The following IGSF10 variants were observed in gnomAD, a reference collection of about 807,000 sequenced individuals.
The protein encoded by IGSF10 is calvaria mechanical force protein 608.
Under a neutral mutation model 128.2 loss-of-function variants are expected in IGSF10, and 126 were observed. That is an observed-to-expected ratio of 0.98 (90% CI 0.85 to 1.14). The LOEUF is 1.14. Ranked by LOEUF, IGSF10 falls within the 50% of genes most tolerant of loss-of-function variation. IGSF10 has a pLI of 0.00. For missense variants in IGSF10, 3,295 were observed against 3,149.8 expected (o/e 1.05, Z -1.10); for synonymous variants, 1,185 against 1,146.2 (o/e 1.03, Z -0.68).
chr3:151,464,672 C>T (rs1722220730), upstream of IGSF10, among the ~76,000 whole-genome samples: 1 of 152,220 alleles, frequency 6.6e-6, no homozygotes, highest in Admixed American at 6.5e-5. Context: ...ATTACCACCT[C>T]CCAGCTCCAC....
At chr3:151,571,662 G>A in the IGSF10 span, among the ~76,000 whole-genome samples, 4 of 152,308 alleles carry the variant, frequency 2.6e-5, no homozygotes, top group Non-Finnish European at 4.4e-5. Flanking sequence ...CATGTCATCT[G>A]CAAACAGGGA....
rs1330217682 is a variant in IGSF10 at position 151,443,850 on chromosome 3, C to G, written c.5097G>C (p.Arg1699Ser). ...GGGTACCATTGGGGAGAACCTGGAC[C>G]CTGCTATTCTGTTTCCTCTTAGATA... ...LDLSKRKQNS[R>S]VQVLPNGTLS... The change falls in exon 7 of 8, where the codon AGG becomes AGC. Residue 1699 changes from arginine (R) to serine (S), a missense_variant. Coordinates refer to ENST00000282466, the MANE Select transcript of IGSF10 (RefSeq NM_178822.5). 2 of 1,609,896 alleles carry G rather than the reference C, an allele frequency of 1.2e-6. No individual in the cohort carries two copies. Among genetic ancestry groups the G allele is most frequent in the South Asian group, 2.2e-5 (2 of 90,858 alleles).
chr3:151,572,624 T>G, the IGSF10 span, among the ~76,000 whole-genome samples: 69 of 152,222 alleles, frequency 4.5e-4, 1 homozygote, highest in Non-Finnish European at 7.9e-4. Context: ...CCTTTATTAG[T>G]CTTGCTAGTG....
At chr3:151,567,250 C>G in the IGSF10 span, among the ~76,000 whole-genome samples, 167 of 152,302 alleles carry the variant, frequency 1.1e-3, no homozygotes, top group African/African-American at 3.9e-3. Flanking sequence ...AGATTCACCT[C>G]TGCTTCATTT....
the IGSF10 span, among the ~76,000 whole-genome samples, chr3:151,497,988 G>A: frequency 6.6e-6 from 1 of 152,158 alleles, no homozygotes; most frequent in Non-Finnish European, 1.5e-5. Flanking sequence ...TGTTATTGGT[G>A]TATAAGAATG....
At chr3:151,435,393 T>G (rs1225480245), downstream of IGSF10, 3 of 146,306 alleles carry the variant, frequency 2.1e-5, no homozygotes, top group East Asian at 6.7e-4. Context: ...AATGCGTAGC[T>G]TTGACCACTT....
the IGSF10 span, among the ~76,000 whole-genome samples, chr3:151,527,788 AT>A: frequency 0.088 from 13,006 of 148,264 alleles, 613 homozygotes; most frequent in African/African-American, 0.12. Flanking sequence ...TGTCTCTACA[AT>A]TTTTTTTTTT....
Position 151,446,010 on chromosome 3 carries a change from G to A in IGSF10, c.3971C>T (p.Thr1324Ile), listed in dbSNP as rs763476662. The change falls in exon 6 of 8, where the codon ACC (threonine) becomes ATC (isoleucine). Residue 1324 changes from threonine to isoleucine, a missense_variant. Transcript: ENST00000282466. The stretch of plus-strand genomic sequence containing the variant: ...ATAAGTGATGACAGATGCAGGGAAG[G>A]TAGGAGTTGTTGCTGGTATTGCTGT... ...TQTAIPATTP[T>I]FPASVITYET... is the part of the protein sequence containing the mutation. 48 of 1,614,050 alleles carry A rather than the reference G, an allele frequency of 3.0e-5. No individual in the cohort carries two copies. The East Asian group carries it at 4.9e-4, about 16-fold the overall frequency.
chr3:151,527,986 A>G, the IGSF10 span, among the ~76,000 whole-genome samples: 1 of 152,180 alleles, frequency 6.6e-6, no homozygotes, highest in East Asian at 1.9e-4. Context: ...TTCAGATTTT[A>G]ACTTCATCAA....
chr3:151,606,909 G>A, the IGSF10 span, among the ~76,000 whole-genome samples: 14 of 152,218 alleles, frequency 9.2e-5, no homozygotes, highest in Non-Finnish European at 1.6e-4. Flanking sequence ...TGTTAAACAC[G>A]TACTCTTACT....
At chr3:151,545,763 T>C in the IGSF10 span, among the ~76,000 whole-genome samples, 1 of 152,196 alleles carries the variant, frequency 6.6e-6, no homozygotes, top group African/African-American at 2.4e-5. Flanking sequence ...CTTGAATTTG[T>C]ACTTTAAAAA....
chr3:151,563,507 T>A, the IGSF10 span, among the ~76,000 whole-genome samples: 4 of 152,096 alleles, frequency 2.6e-5, no homozygotes, highest in Admixed American at 1.3e-4. Flanking sequence ...TATGGATATA[T>A]AAAAGAGACC....
the IGSF10 span, among the ~76,000 whole-genome samples, chr3:151,572,160 G>A: frequency 5.9e-5 from 9 of 152,164 alleles, no homozygotes; most frequent in Non-Finnish European, 1.0e-4. Context: ...ATGATCATCA[G>A]GGATATTGGT....
the IGSF10 span, among the ~76,000 whole-genome samples, chr3:151,546,847 T>C: frequency 1.3e-5 from 2 of 152,112 alleles, no homozygotes; most frequent in African/African-American, 4.8e-5. Flanking sequence ...CTCGGCTCAT[T>C]GCAACCTCCG....
the IGSF10 span, among the ~76,000 whole-genome samples, chr3:151,612,630 G>A: frequency 6.6e-6 from 1 of 152,150 alleles, no homozygotes; most frequent in Non-Finnish European, 1.5e-5. Flanking sequence ...TTAAAAGAGA[G>A]TGATTTCCTT....
At chr3:151,454,480 A>T (rs1721680417) in intron 4 of IGSF10, among the ~76,000 whole-genome samples, 1 of 152,210 alleles carries the variant, frequency 6.6e-6, no homozygotes, top group Non-Finnish European at 1.5e-5. Context: ...GTAGAGGTGC[A>T]GGTGAGACAT....
In IGSF10 at chr3:151,446,983, T is replaced by C; in HGVS notation, c.2998A>G (p.Ser1000Gly). 1 of 1,614,208 alleles carries C rather than the reference T, an allele frequency of 6.2e-7. No individual in the cohort carries two copies. Among genetic ancestry groups the C allele is most frequent in the Non-Finnish European group, 8.5e-7 (1 of 1,180,034 alleles). Residue 1000 changes from serine to glycine, a missense_variant, in exon 6 of 8, where the codon AGT (serine) becomes GGT (glycine). Ser to Gly is a moderately conservative substitution (Grantham distance 56, BLOSUM62 0). Coordinates refer to ENST00000282466, the MANE Select transcript of IGSF10 (RefSeq NM_178822.5). ...AHSQFPIPRN[S>G]TVNIPLFRRF... ...CTGAACAGCGGGATGTTAACTGTAC[T>C]ATTTCTAGGGATCGGAAACTGAGAA...
At chr3:151,557,228 C>A in the IGSF10 span, among the ~76,000 whole-genome samples, 6 of 152,148 alleles carry the variant, frequency 3.9e-5, no homozygotes, top group Admixed American at 3.3e-4. Flanking sequence ...ATGGTTGAAG[C>A]TCAAACACCC....
chr3:151,435,373 A>T (rs1720028354), downstream of IGSF10: 1 of 144,070 alleles, frequency 6.9e-6, no homozygotes, highest in African/African-American at 2.6e-5. Flanking sequence ...GCCTGGAAGT[A>T]GAGGAGATCA....
Sources: gnomAD v4.1 joint callset for allele counts (sites outside exome capture counted in the v4.1 genomes callset) on GRCh38, gnomAD v4.1.1 for gene constraint, MANE v1.5 for transcripts, NCBI Gene and HGNC (gene_info 2026-07-23, HGNC 2026-07-21) for gene names.